The following TMPRSS11D variants were observed in gnomAD, a reference collection of about 807,000 sequenced individuals.
The protein encoded by TMPRSS11D is transmembrane protease serine 11D.
A neutral mutation model predicts 44.4 loss-of-function variants in TMPRSS11D; 32 were observed. That is an observed-to-expected ratio of 0.72 (90% CI 0.54 to 0.97). The LOEUF (loss-of-function observed/expected upper bound fraction) is 0.97, where lower values mean the gene tolerates loss of function less well. TMPRSS11D is among the 50% of genes least tolerant of loss of function. The pLI, the probability that TMPRSS11D is intolerant of heterozygous loss-of-function variation, is 0.00. For missense variants in TMPRSS11D, 446 were observed against 502.6 expected, an observed-to-expected ratio of 0.89 and a Z score of 1.08; for synonymous variants, 179 against 177.9, an observed-to-expected ratio of 1.01 and a Z score of -0.05.
rs1560539589 is a variant in TMPRSS11D at position 67,838,093 on chromosome 4, C to G, written c.475+79G>C. The G allele has an allele frequency of 6.5e-6, 8 of 1,239,486 alleles. No individual in the cohort carries two copies. In the East Asian group the frequency reaches 1.4e-4, roughly 22 times the overall value. 76.8% of individuals were successfully genotyped at this position (1,239,486 alleles called of 1,614,324 possible). A position where few individuals can be genotyped will look rare whatever the true frequency, so the allele number is the denominator to read the frequency against. On this transcript the variant is annotated intron_variant, in intron 5 of 9. Transcript: ENST00000283916. Reference sequence around the variant, plus strand: ...GTTTCAAAGAAAGAAAAGTCAGCCTCTCAATTAAAATATGAATTTGAATTG... The same window carrying G: ...GTTTCAAAGAAAGAAAAGTCAGCCTGTCAATTAAAATATGAATTTGAATTG...
At chr4:67,830,420 C>T (rs1244307869) in intron 7 of TMPRSS11D, among the ~76,000 whole-genome samples, 1 of 151,838 alleles carries the variant, frequency 6.6e-6, no homozygotes, top group East Asian at 1.9e-4. Context: ...AACATTGTTC[C>T]TAAGGGTTGA....
intron 5 of TMPRSS11D, among the ~76,000 whole-genome samples, chr4:67,836,259 C>T (rs916103596): frequency 2.6e-5 from 4 of 152,054 alleles, no homozygotes; most frequent in Non-Finnish European, 5.9e-5. Flanking sequence ...ACTTTTGCTC[C>T]TTTTCAGTTT....
intron 9 of TMPRSS11D, among the ~76,000 whole-genome samples, chr4:67,825,150 T>C (rs925213330): frequency 2.0e-5 from 3 of 151,952 alleles, no homozygotes; most frequent in Admixed American, 6.6e-5. Flanking sequence ...TACTAGGATT[T>C]TGTATAAATT....
intron 1 of TMPRSS11D, among the ~76,000 whole-genome samples, chr4:67,879,549 A>G (rs898654027): frequency 2.0e-5 from 3 of 151,976 alleles, no homozygotes; most frequent in African/African-American, 7.3e-5. Context: ...AGAAACTGAG[A>G]AAGTTTGACC....
At chr4:67,840,626 C>A (rs1335164433) in intron 4 of TMPRSS11D, among the ~76,000 whole-genome samples, 1 of 152,014 alleles carries the variant, frequency 6.6e-6, no homozygotes, top group Non-Finnish European at 1.5e-5. Flanking sequence ...TCACTATGGT[C>A]AATAATAATT....
intron 1 of TMPRSS11D, among the ~76,000 whole-genome samples, chr4:67,867,501 C>G (rs1718955176): frequency 6.6e-6 from 1 of 152,066 alleles, no homozygotes; most frequent in South Asian, 2.1e-4. Context: ...AACTAAAAAG[C>G]TTCTGCACAG....
chr4:67,825,701 G>C (rs1448267761), intron 9 of TMPRSS11D, 31 bp downstream of exon 9: 2 of 1,609,160 alleles, frequency 1.2e-6, no homozygotes, highest in Admixed American at 1.7e-5. Flanking sequence ...CTTCTTGGAT[G>C]ATGACATGGA....
chr4:67,826,475 C>T (rs1361407093), intron 8 of TMPRSS11D, among the ~76,000 whole-genome samples: 5 of 152,116 alleles, frequency 3.3e-5, no homozygotes, highest in East Asian at 1.9e-4. Flanking sequence ...TCCACTCCTT[C>T]GCTGATACTC....
chr4:67,824,005 ATTG>A (rs1256578094), intron 9 of TMPRSS11D, among the ~76,000 whole-genome samples: 4 of 152,138 alleles, frequency 2.6e-5, no homozygotes, highest in African/African-American at 7.2e-5. Flanking sequence ...CAGGGATAGT[ATTG>A]TTGTGTTAAC....
At position 67,833,343 on chromosome 4, in the gene TMPRSS11D, G is replaced by T. The variant is rs775827190; in HGVS notation, c.553C>A (p.Gln185Lys). Reference protein sequence around the residue: ...AGPDLITLSEQRILGGTEAEE... With the variant: ...AGPDLITLSEKRILGGTEAEE... Reference sequence around the variant, plus strand: ...GCCTCAGTGCCTCCAAGGATTCTCTGCTCAGACAATGTTATTAGGTCTGGA... The same window carrying T: ...GCCTCAGTGCCTCCAAGGATTCTCTTCTCAGACAATGTTATTAGGTCTGGA... Residue 185 changes from glutamine to lysine, a missense_variant, in exon 7 of 10, where the codon CAG (glutamine) becomes AAG (lysine). Gln to Lys is a moderately conservative substitution (Grantham distance 53). Transcript: ENST00000283916. The T allele has an allele frequency of 6.3e-7, 1 of 1,586,640 alleles. No homozygotes were observed. Among genetic ancestry groups the T allele is most frequent in the East Asian group, 2.3e-5 (1 of 42,574 alleles).
chr4:67,856,380 A>G (rs1718637005), intron 2 of TMPRSS11D, among the ~76,000 whole-genome samples: 1 of 152,176 alleles, frequency 6.6e-6, no homozygotes, highest in Admixed American at 6.6e-5. Context: ...AACAATGGGG[A>G]AAGCACACTC....
intron 7 of TMPRSS11D, among the ~76,000 whole-genome samples, chr4:67,828,676 A>G (rs1202510292): frequency 6.6e-6 from 1 of 152,168 alleles, no homozygotes; most frequent in Non-Finnish European, 1.5e-5. Context: ...TAAACATGTC[A>G]GATCAAGATT....
At chr4:67,850,016 A>T (rs930627805) in intron 3 of TMPRSS11D, among the ~76,000 whole-genome samples, 2 of 152,222 alleles carry the variant, frequency 1.3e-5, no homozygotes, top group African/African-American at 2.4e-5. Flanking sequence ...AAAGGGATAC[A>T]TATGTAAGAT....
At chr4:67,878,026 T>A (rs1719235906) in intron 1 of TMPRSS11D, among the ~76,000 whole-genome samples, 2 of 152,132 alleles carry the variant, frequency 1.3e-5, no homozygotes, top group Non-Finnish European at 2.9e-5. Flanking sequence ...GAAAACGGGG[T>A]AATTTATAAA....
At chr4:67,835,965 G>A (rs1373281538) in intron 5 of TMPRSS11D, among the ~76,000 whole-genome samples, 1 of 152,110 alleles carries the variant, frequency 6.6e-6, no homozygotes, top group East Asian at 1.9e-4. Flanking sequence ...CAGCATACAA[G>A]ACAGTTTTCT....
chr4:67,857,290 TA>T (rs1718668329), intron 2 of TMPRSS11D, among the ~76,000 whole-genome samples: 1 of 2,434 alleles, frequency 4.1e-4, no homozygotes, highest in Non-Finnish European at 2.0e-3. Context: ...TATATATATA[TA>T]TATATATATA....
intron 1 of TMPRSS11D, among the ~76,000 whole-genome samples, chr4:67,865,246 A>C (rs938108520): frequency 1.6e-4 from 25 of 151,788 alleles, no homozygotes; most frequent in African/African-American, 6.0e-4. Flanking sequence ...TGAAAAAAAA[A>C]CCCAACATGC....
chr4:67,880,356 A>G (rs1246568876), intron 1 of TMPRSS11D, among the ~76,000 whole-genome samples: 1 of 152,236 alleles, frequency 6.6e-6, no homozygotes, highest in Non-Finnish European at 1.5e-5. Context: ...GTTTAGACAG[A>G]TCTTTAGAAT....
chr4:67,871,634 C>T (rs1228950855), intron 1 of TMPRSS11D, among the ~76,000 whole-genome samples: 1 of 152,170 alleles, frequency 6.6e-6, no homozygotes, highest in Non-Finnish European at 1.5e-5. Context: ...CTGATTACTG[C>T]TGTCTTACAC....
Sources: gnomAD v4.1 joint callset for allele counts (sites outside exome capture counted in the v4.1 genomes callset) on GRCh38, gnomAD v4.1.1 for gene constraint, MANE v1.5 for transcripts, NCBI Gene and HGNC (gene_info 2026-07-23, HGNC 2026-07-21) for gene names.